Variants in RPH3AL observed in about 807,000 individuals in gnomAD.
RPH3AL encodes the protein rab effector Noc2.
RPH3AL carries 38 observed loss-of-function variants against 43.1 expected under a neutral mutation model. The ratio of observed to expected loss-of-function variants is 0.88; its 90% CI spans 0.68 to 1.15. The LOEUF (loss-of-function observed/expected upper bound fraction) is 1.15, where lower values mean the gene tolerates loss of function less well. Ranked by LOEUF, RPH3AL falls within the 50% of genes most tolerant of loss-of-function variation. The pLI is 0.00. For missense variants in RPH3AL, 462 were observed against 423.2 expected, an observed-to-expected ratio of 1.09 and a Z score of -0.81; for synonymous variants, 189 against 176.3, an observed-to-expected ratio of 1.07 and a Z score of -0.57.
intron 6 of RPH3AL, among the ~76,000 whole-genome samples, chr17:268,125 C>T (rs534466571): frequency 9.9e-5 from 15 of 152,278 alleles, no homozygotes; most frequent in Non-Finnish European, 1.3e-4. Flanking sequence ...GACCCATGAA[C>T]CACATGGGCT....
In RPH3AL at chr17:264,277, G is replaced by A. The variant is rs11657097; in HGVS notation, c.439-16992C>T. Reference sequence around the variant, plus strand: ...GACAGCAGGATTACCCTTCGGAGCCGCGAGCGCTGGATGGGGACTCAGAAT... The same window carrying A: ...GACAGCAGGATTACCCTTCGGAGCCACGAGCGCTGGATGGGGACTCAGAAT... On this transcript the variant is annotated intron_variant, in intron 6 of 9. Coordinates refer to ENST00000331302, the MANE Select transcript of RPH3AL (RefSeq NM_006987.4). This position sits in a 1 kb window ranked among gnomAD's most constrained non-coding sequence, Gnocchi z 4.8. 0.49 allele frequency among the ~76,000 whole-genome samples: 55,922 copies of A among 114,272 alleles called. 15,549 individuals carry two copies. Among genetic ancestry groups the A allele is most frequent in the Middle Eastern group, 0.68 (167 of 246 alleles). The allele number at this position is 114,272 out of a possible 152,430, so 75.0% of individuals were successfully genotyped here. A position where few individuals can be genotyped will look rare whatever the true frequency, so the allele number is the denominator to read the frequency against.
intron 6 of RPH3AL, among the ~76,000 whole-genome samples, chr17:268,478 TTCCAG>T (rs2042372227): frequency 6.6e-6 from 1 of 152,014 alleles, no homozygotes; most frequent in African/African-American, 2.4e-5. Flanking sequence ...TTGGTAAGTC[TTCCAG>T]TCAACAGTAG....
chr17:310,003 G>C (rs980713775), intron 5 of RPH3AL, among the ~76,000 whole-genome samples: 3 of 151,800 alleles, frequency 2.0e-5, no homozygotes, highest in Non-Finnish European at 4.4e-5. Context: ...TCATAGGCAG[G>C]CTCCCCTGCA....
intron 7 of RPH3AL, among the ~76,000 whole-genome samples, chr17:228,783 C>A (rs996943602): frequency 6.6e-6 from 1 of 152,164 alleles, no homozygotes; most frequent in Non-Finnish European, 1.5e-5. Context: ...AGAAATCCTC[C>A]TCTCCAGGCG....
At chr17:307,832 C>T (rs953768810) in intron 5 of RPH3AL, among the ~76,000 whole-genome samples, 9 of 152,214 alleles carry the variant, frequency 5.9e-5, no homozygotes, top group South Asian at 2.1e-4. Flanking sequence ...AAAAGCCACA[C>T]GCAGGCCTCA....
At chr17:349,857 ATCAC>A (rs1269906809) in intron 1 of RPH3AL, among the ~76,000 whole-genome samples, 2 of 152,110 alleles carry the variant, frequency 1.3e-5, no homozygotes, top group Non-Finnish European at 2.9e-5. Context: ...TATCTATATC[ATCAC>A]TCACAATCTC....
chr17:286,242 G>A (rs1036107166), intron 5 of RPH3AL, among the ~76,000 whole-genome samples: 7 of 152,302 alleles, frequency 4.6e-5, no homozygotes, highest in Admixed American at 4.6e-4. Context: ...TGGACCAGTC[G>A]CCCTCCAGAG....
chr17:283,444 T>C lies in RPH3AL; in HGVS notation c.352-1590A>G, dbSNP rs2042831903. Among the ~76,000 whole-genome samples, 1 of 152,166 alleles carries C rather than the reference T, an allele frequency of 6.6e-6. No individual in the cohort carries two copies. Among genetic ancestry groups the C allele is most frequent in the African/African-American group, 2.4e-5 (1 of 41,442 alleles). ...GCTCAGGTACGAGAAATGTCACCTT[T>C]TATTTATCCAAAGAAAATGCAATCT... On this transcript the variant is annotated intron_variant, in intron 5 of 9. Coordinates refer to ENST00000331302, the MANE Select transcript of RPH3AL (RefSeq NM_006987.4). The surrounding 1 kb of genome is among the most constrained non-coding windows in gnomAD (Gnocchi z 4.2).
chr17:319,413 G>A lies in RPH3AL; in HGVS notation c.351+7C>T, dbSNP rs1318593895. The A allele has an allele frequency of 9.9e-6, 16 of 1,611,122 alleles. No individual in the cohort carries two copies. The highest frequency in any genetic ancestry group is 1.3e-5 in the Non-Finnish European group (15 of 1,179,414). Reference sequence around the variant, plus strand: ...GCCAGAATGACAGGGCCAGAGCAGGGTCTTACCTTCCTGCAGTCTTTGCAG... The same window carrying A: ...GCCAGAATGACAGGGCCAGAGCAGGATCTTACCTTCCTGCAGTCTTTGCAG... On this transcript the variant is annotated splice_region_variant and intron_variant, in intron 5 of 9. Transcript: ENST00000331302.
At position 246,965 on chromosome 17, in the gene RPH3AL, G is replaced by A. The variant is rs2041780279; in HGVS notation, c.613+146C>T. On this transcript the variant is annotated intron_variant, in intron 7 of 9. Transcript: ENST00000331302. The surrounding 1 kb of genome is among the most constrained non-coding windows in gnomAD (Gnocchi z 4.8). ...CTGCTCACTCGGGAGAAGGTGTGGAGCTGAGGGCACAGGGAGGGACGCATC... is the reference window on the plus strand; with the variant it reads ...CTGCTCACTCGGGAGAAGGTGTGGAACTGAGGGCACAGGGAGGGACGCATC... 4.6e-6 allele frequency: 4 copies of A among 862,940 alleles called. No homozygotes were observed. The East Asian group carries it at 9.7e-5, about 21-fold the overall frequency. The allele number at this position is 862,940 out of a possible 1,614,324, so 53.5% of individuals were successfully genotyped here. A position where few individuals can be genotyped will look rare whatever the true frequency, so the allele number is the denominator to read the frequency against.
chr17:294,888 C>T (rs1312685630), intron 5 of RPH3AL, among the ~76,000 whole-genome samples: 4 of 25,844 alleles, frequency 1.5e-4, no homozygotes, highest in African/African-American at 4.9e-4. Flanking sequence ...CAGAAATGGA[C>T]AGCAGAGGGA....
intron 7 of RPH3AL, among the ~76,000 whole-genome samples, chr17:241,095 A>C (rs987202724): frequency 8.8e-5 from 7 of 79,946 alleles, no homozygotes; most frequent in African/African-American, 3.6e-4. Flanking sequence ...TAATAATAAT[A>C]ATAATCTTGT....
At chr17:344,220 C>G (rs1270370358) in intron 1 of RPH3AL, among the ~76,000 whole-genome samples, 1 of 131,974 alleles carries the variant, frequency 7.6e-6, no homozygotes, top group Admixed American at 7.3e-5. Context: ...TCATCACTAT[C>G]ATCACCATCA....
intron 5 of RPH3AL, among the ~76,000 whole-genome samples, chr17:294,617 GAC>G (rs2043127737): frequency 2.6e-5 from 3 of 115,816 alleles, no homozygotes; most frequent in Non-Finnish European, 3.7e-5. Flanking sequence ...GTGTGGGAGG[GAC>G]ACAGATGCTG....
intron 7 of RPH3AL, among the ~76,000 whole-genome samples, chr17:240,856 G>A (rs376552873): frequency 1.3e-4 from 20 of 151,738 alleles, no homozygotes; most frequent in African/African-American, 4.8e-4. Context: ...TCAGGAGATC[G>A]AGACCAGCCT....
intron 2 of RPH3AL, chr17:332,709 T>G: frequency 3.9e-6 from 1 of 257,298 alleles, no homozygotes; most frequent in Non-Finnish European, 7.9e-6. Context: ...CCCCACGGGG[T>G]AGTCGGCCTC....
At chr17:266,318 G>C (rs890710468) in intron 6 of RPH3AL, among the ~76,000 whole-genome samples, 1 of 151,366 alleles carries the variant, frequency 6.6e-6, no homozygotes, top group Non-Finnish European at 1.5e-5. Flanking sequence ...GTGCACCTGC[G>C]TGCATGCTGG....
chr17:284,187 G>A (rs984346211), intron 5 of RPH3AL, among the ~76,000 whole-genome samples: 9 of 152,174 alleles, frequency 5.9e-5, no homozygotes, highest in African/African-American at 1.7e-4. Flanking sequence ...CACCCACAGC[G>A]CAGTTAGTGA....
In RPH3AL at chr17:274,698, G is replaced by C. The variant is rs1224628255; in HGVS notation, c.438+7070C>G. Among the ~76,000 whole-genome samples, 5 of 152,300 alleles carry C rather than the reference G, an allele frequency of 3.3e-5. No homozygotes were observed. The East Asian group carries it at 9.7e-4, about 29-fold the overall frequency. Reference sequence around the variant, plus strand: ...GGGCAGGGTCACAGGCACAATCCCAGACCAAGGGAGGGGCTATGAGGAGAC... The same window carrying C: ...GGGCAGGGTCACAGGCACAATCCCACACCAAGGGAGGGGCTATGAGGAGAC... On this transcript the variant is annotated intron_variant, in intron 6 of 9. Coordinates refer to ENST00000331302, the MANE Select transcript of RPH3AL (RefSeq NM_006987.4). This position sits in a 1 kb window ranked among gnomAD's most constrained non-coding sequence, Gnocchi z 4.7.
Sources: allele counts gnomAD v4.1 joint callset (sites outside exome capture counted in the v4.1 genomes callset), GRCh38; gene constraint gnomAD v4.1.1; non-coding constraint Gnocchi (gnomAD v3.1); transcripts MANE v1.5; gene names NCBI Gene and HGNC (gene_info 2026-07-23, HGNC 2026-07-21).